Variants in LHPP observed in about 807,000 individuals in gnomAD.
LHPP encodes hLHPP.
In LHPP, 24 loss-of-function variants were observed where a neutral mutation model predicts 30.3. The ratio of observed to expected loss-of-function variants is 0.79; its 90% CI spans 0.57 to 1.11. The LOEUF (loss-of-function observed/expected upper bound fraction) is 1.11. LHPP is among the 50% of genes most tolerant of loss of function. The pLI is 0.00. For synonymous variants in LHPP, 150 were observed against 157.1 expected (o/e 0.95, Z 0.34); for missense variants, 356 against 367.2 (o/e 0.97, Z 0.25).
At chr10:124,526,220 C>T (rs921025498) in intron 6 of LHPP, 3 of 985,300 alleles carry the variant, frequency 3.0e-6, no homozygotes, top group African/African-American at 3.5e-5. Context: ...TCCCAAGACA[C>T]TCCCTGAAGC....
At chr10:124,485,894 T>A (rs1049719162) in intron 2 of LHPP, among the ~76,000 whole-genome samples, 1 of 152,156 alleles carries the variant, frequency 6.6e-6, no homozygotes, top group Non-Finnish European at 1.5e-5. Flanking sequence ...AGCCACCGCC[T>A]CCGGTCTTAC....
intron 6 of LHPP, among the ~76,000 whole-genome samples, chr10:124,559,863 A>G (rs1948363867): frequency 6.6e-6 from 1 of 152,232 alleles, no homozygotes; most frequent in Admixed American, 6.5e-5. Context: ...CATGGGCAGT[A>G]AGTTCCGTGG....
intron 5 of LHPP, among the ~76,000 whole-genome samples, chr10:124,513,093 T>C (rs2133904499): frequency 6.6e-6 from 1 of 152,214 alleles, no homozygotes; most frequent in South Asian, 2.1e-4. Flanking sequence ...TTTGTTTGTT[T>C]GTTTGTTTGT....
chr10:124,599,093 G>A (rs765570620), intron 6 of LHPP, among the ~76,000 whole-genome samples: 9 of 146,404 alleles, frequency 6.1e-5, no homozygotes, highest in African/African-American at 1.3e-4. Context: ...AGTGCCTGCC[G>A]TCCACCCTTC....
At chr10:124,546,465 C>G (rs956571788) in intron 6 of LHPP, among the ~76,000 whole-genome samples, 1 of 152,206 alleles carries the variant, frequency 6.6e-6, no homozygotes, top group Admixed American at 6.5e-5. Context: ...TGCAGTGGCG[C>G]GATCTCGGCT....
At chr10:124,522,496 A>C (rs1169815782) in intron 6 of LHPP, among the ~76,000 whole-genome samples, 2 of 152,198 alleles carry the variant, frequency 1.3e-5, no homozygotes, top group Non-Finnish European at 2.9e-5. Flanking sequence ...AGGCTTTTTC[A>C]GATGGGACAG....
rs2133945438 is a variant in LHPP at position 124,541,639 on chromosome 10, G to A, written c.716+24368G>A. Among the ~76,000 whole-genome samples, 1 of 152,274 alleles carries A rather than the reference G, an allele frequency of 6.6e-6. No individual in the cohort carries two copies. Among genetic ancestry groups the A allele is most frequent in the Admixed American group, 6.5e-5 (1 of 15,298 alleles). On this transcript the variant is annotated intron_variant, in intron 6 of 6. Transcript: ENST00000368842. The surrounding 1 kb of genome is among the most constrained non-coding windows in gnomAD (Gnocchi z 4.2). ...GGGGACAGTGTGTGTCTAGGCAAAT[G>A]CCTTGGGCACTCGAGGGGGCACTGA...
At chr10:124,539,715 G>A (rs1186546479) in intron 6 of LHPP, among the ~76,000 whole-genome samples, 2 of 141,938 alleles carry the variant, frequency 1.4e-5, no homozygotes, top group Non-Finnish European at 1.5e-5. Flanking sequence ...TAGCCTGGGC[G>A]ACAGAGCAAA....
At chr10:124,498,179 G>GGCCGCCCCGTCAGGGAA in intron 5 of LHPP, 51 bp downstream of exon 5, 1 of 1,564,340 alleles carries the variant, frequency 6.4e-7, no homozygotes, top group Non-Finnish European at 8.8e-7. Context: ...CCGTCAGGGA[G>GGCCGCCCCGTCAGGGAA]GCCCTGGAGC....
At chr10:124,514,944 G>A (rs963009079) in intron 5 of LHPP, among the ~76,000 whole-genome samples, 1 of 152,072 alleles carries the variant, frequency 6.6e-6, no homozygotes, top group Non-Finnish European at 1.5e-5. Context: ...TGGGACTACA[G>A]GCGTGCGCCA....
chr10:124,488,179 G>A (rs1953399345), intron 2 of LHPP, among the ~76,000 whole-genome samples: 1 of 152,196 alleles, frequency 6.6e-6, no homozygotes, highest in South Asian at 2.1e-4. Flanking sequence ...GTGGTATTGG[G>A]ATGGAGGGTC....
chr10:124,589,900 G>A (rs1186127888), intron 6 of LHPP, among the ~76,000 whole-genome samples: 2 of 152,174 alleles, frequency 1.3e-5, no homozygotes, highest in South Asian at 4.1e-4. Flanking sequence ...CGCCCTGGCC[G>A]CCAGGCTGGC....
intron 6 of LHPP, among the ~76,000 whole-genome samples, chr10:124,567,516 A>T (rs1424311307): frequency 6.6e-6 from 1 of 152,210 alleles, no homozygotes. Flanking sequence ...TGTTTAATAG[A>T]TAGTAACTGG....
chr10:124,546,646 A>G (rs6597838), intron 6 of LHPP, among the ~76,000 whole-genome samples: 78,764 of 151,696 alleles, frequency 0.52, 20,644 homozygotes, highest in Admixed American at 0.59. Flanking sequence ...TCCTGACCTC[A>G]TGATCCGCCC....
chr10:124,534,410 ACG>A (rs1954972007), intron 6 of LHPP, among the ~76,000 whole-genome samples: 1 of 152,216 alleles, frequency 6.6e-6, no homozygotes, highest in Admixed American at 6.5e-5. Flanking sequence ...CAGCACCGGC[ACG>A]TCGGAGGCCG....
chr10:124,484,129 C>G lies in LHPP; in HGVS notation c.126-10C>G, dbSNP rs1953238102. 6.2e-7 allele frequency: 1 copy of G among 1,612,806 alleles called. No individual in the cohort carries two copies. The highest frequency in any genetic ancestry group is 1.1e-5 in the South Asian group (1 of 90,924). On this transcript the variant is annotated splice_polypyrimidine_tract_variant and intron_variant, in intron 1 of 6. Coordinates refer to ENST00000368842, the MANE Select transcript of LHPP (RefSeq NM_022126.4). ...GCTGACTTCCCGGGCCTGTGTCTCCCCTGCCGCAGACTGAAGCGTTCCCGG... is the reference window on the plus strand; with the variant it reads ...GCTGACTTCCCGGGCCTGTGTCTCCGCTGCCGCAGACTGAAGCGTTCCCGG...
chr10:124,501,485 C>T (rs569936927), intron 5 of LHPP, among the ~76,000 whole-genome samples: 1 of 151,318 alleles, frequency 6.6e-6, no homozygotes, highest in East Asian at 1.9e-4. Flanking sequence ...ACCTATAATC[C>T]TAGCCACTCG....
chr10:124,601,271 C>T (rs899493577), intron 6 of LHPP, among the ~76,000 whole-genome samples: 10 of 152,224 alleles, frequency 6.6e-5, no homozygotes, highest in African/African-American at 2.4e-4. Context: ...GCTGCCGCGT[C>T]ACACGCTGCA....
chr10:124,566,914 T>C (rs1156560367), intron 6 of LHPP, among the ~76,000 whole-genome samples: 1 of 152,154 alleles, frequency 6.6e-6, no homozygotes, highest in Non-Finnish European at 1.5e-5. Context: ...TGAGCAGGGG[T>C]GCAGAAGAGA....
Sources: allele counts gnomAD v4.1 joint callset (sites outside exome capture counted in the v4.1 genomes callset), GRCh38; gene constraint gnomAD v4.1.1; non-coding constraint Gnocchi (gnomAD v3.1); transcripts MANE v1.5; gene names NCBI Gene and HGNC (gene_info 2026-07-23, HGNC 2026-07-21).